The following SOAT2 variants were observed in gnomAD, a reference collection of about 807,000 sequenced individuals.
SOAT2 encodes ACAT-2.
Under a neutral mutation model 76.0 loss-of-function variants are expected in SOAT2, and 87 were observed. The ratio of observed to expected loss-of-function variants is 1.14; its 90% confidence interval spans 0.96 to 1.37. SOAT2 has a LOEUF of 1.37. Ranked by LOEUF, SOAT2 falls within the 40% of genes most tolerant of loss-of-function variation. SOAT2 has a pLI of 0.00. For synonymous variants in SOAT2, 285 were observed against 275.4 expected, an observed-to-expected ratio of 1.03 and a Z score of -0.34; for missense variants, 686 against 682.1, an observed-to-expected ratio of 1.01 and a Z score of -0.06.
At chr12:53,118,240 C>T (rs1374786766) in intron 7 of SOAT2, 110 bp from the exon 8 acceptor site, 2 of 478,636 alleles carry the variant, frequency 4.2e-6, no homozygotes, top group Non-Finnish European at 7.8e-6. Flanking sequence ...CCCCCACCCC[C>T]ACCCTATCCA....
At chr12:53,111,169 G>GCA (rs1938006047) in intron 5 of SOAT2, among the ~76,000 whole-genome samples, 1 of 150,560 alleles carries the variant, frequency 6.6e-6, no homozygotes, top group Non-Finnish European at 1.5e-5. Flanking sequence ...GCAGTGGCGT[G>GCA]ATCTCGGCTC....
In SOAT2 at chr12:53,116,308, C is replaced by A; in HGVS notation, c.778+142C>A. Reference sequence around the variant, plus strand: ...GGCACAGCCCTGGCATCCAGCTGGGCTCTGTGGGCCTTCATCATTAGGCAT... The same window carrying A: ...GGCACAGCCCTGGCATCCAGCTGGGATCTGTGGGCCTTCATCATTAGGCAT... On this transcript the variant is annotated intron_variant, in intron 7 of 14. Coordinates refer to ENST00000301466, the MANE Select transcript of SOAT2 (RefSeq NM_003578.4). 4.6e-6 allele frequency: 3 copies of A among 657,996 alleles called. No homozygotes were observed. The South Asian group carries it at 5.5e-5, about 12-fold the overall frequency. The allele number at this position is 657,996 out of a possible 1,614,324, so 40.8% of individuals were successfully genotyped here. A position where few individuals can be genotyped will look rare whatever the true frequency, so the allele number is the denominator to read the frequency against.
At position 53,105,776 on chromosome 12, in the gene SOAT2, T is replaced by C. The variant is rs1351164690; in HGVS notation, c.336-131T>C. 3.9e-6 allele frequency: 4 copies of C among 1,037,334 alleles called. No individual in the cohort carries two copies. In the East Asian group the frequency reaches 9.8e-5, roughly 25 times the overall value. 64.3% of individuals were successfully genotyped at this position (1,037,334 alleles called of 1,614,324 possible). A position where few individuals can be genotyped will look rare whatever the true frequency, so the allele number is the denominator to read the frequency against. On this transcript the variant is annotated intron_variant, in intron 4 of 14. Transcript: ENST00000301466. The stretch of plus-strand genomic sequence containing the variant: ...GGTCCCCTATTTGCCCTAGGCATGG[T>C]TGTGGAAGAAAGGCCTTTAGCTGGA...
chr12:53,108,788 G>T lies in SOAT2; in HGVS notation c.443+2774G>T, dbSNP rs139768584. Among the ~76,000 whole-genome samples, 199 of 152,340 alleles carry T rather than the reference G, an allele frequency of 1.3e-3. 1 individual carries two copies. Among genetic ancestry groups the T allele is most frequent in the African/African-American group, 3.9e-3 (163 of 41,566 alleles). On this transcript the variant is annotated intron_variant, in intron 5 of 14. Transcript: ENST00000301466. ...AGTTATCAGAAACCTGCATTCAAGA[G>T]CACCTGTTAGAGCTTTATAACTGAT...
intron 6 of SOAT2, 54 bp from the exon 7 acceptor site, chr12:53,116,043 G>T: frequency 3.4e-6 from 5 of 1,483,822 alleles, no homozygotes; most frequent in Non-Finnish European, 4.7e-6. Flanking sequence ...GAGAGGTTAA[G>T]CGATTTGCTT....
rs1938178901 is a variant in SOAT2, at chr12:53,120,792, T to G, written c.1046T>G (p.Phe349Cys). 6.2e-7 allele frequency: 1 copy of G among 1,613,874 alleles called. No homozygotes were observed. Among genetic ancestry groups the G allele is most frequent in the African/African-American group, 1.3e-5 (1 of 75,028 alleles). The change falls in exon 11 of 15, where the codon TTC becomes TGC. Residue 349 changes from phenylalanine (F) to cysteine (C), a missense_variant. Phe to Cys is a radical substitution (Grantham distance 205, BLOSUM62 -2). Coordinates refer to ENST00000301466, the MANE Select transcript of SOAT2 (RefSeq NM_003578.4). ...TCTTGTCCCCAACCACCAGGCATCT[T>G]CATGCTGCTGCTCATCTTCTTTGCC... ...SILHATLPGI[F>C]MLLLIFFAFL...
chr12:53,115,289 A>G, intron 5 of SOAT2, 101 bp from the exon 6 acceptor site: 1 of 1,379,558 alleles, frequency 7.2e-7, no homozygotes, highest in Non-Finnish European at 9.8e-7. Flanking sequence ...TCACAACCTG[A>G]TCAAGATACC....
intron 1 of SOAT2, 151 bp downstream of exon 1, chr12:53,103,810 G>A (rs943518348): frequency 5.7e-5 from 39 of 683,992 alleles, no homozygotes; most frequent in Non-Finnish European, 8.5e-5. Context: ...TCAGCCCAGA[G>A]CCACCCAGCT....
chr12:53,105,962 C>T lies in SOAT2; in HGVS notation c.391C>T (p.Leu131=), dbSNP rs1371053961. 1 of 1,614,134 alleles carries T rather than the reference C, an allele frequency of 6.2e-7. No individual in the cohort carries two copies. Among genetic ancestry groups the T allele is most frequent in the South Asian group, 1.1e-5 (1 of 91,086 alleles). The change falls in exon 5 of 15, where the codon CTG becomes TTG. Residue 131 remains leucine (L), a synonymous_variant. Transcript: ENST00000301466. ...CATCTACCACATGTTCATCGCTGGC[C>T]TGTGTGTCTTCATCATCAGCACCCT... The part of the protein sequence containing the change: ...RTIYHMFIAG[L]CVFIISTLAI...
chr12:53,115,660 G>A lies in SOAT2; in HGVS notation c.708+6G>A. 4 of 1,511,170 alleles carry A rather than the reference G, an allele frequency of 2.6e-6. No homozygotes were observed. The highest frequency in any genetic ancestry group is 1.3e-5 in the South Asian group (1 of 77,886). The allele number at this position is 1,511,170 out of a possible 1,614,324, so 93.6% of individuals were successfully genotyped here. ...GTGTCCTGGTCTTCGAGCAGGTGAG[G>A]GCCGAGCCCTGCTGACGGACAGGAA... On this transcript the variant is annotated splice_donor_region_variant and intron_variant, in intron 6 of 14. Coordinates refer to ENST00000301466, the MANE Select transcript of SOAT2 (RefSeq NM_003578.4).
chr12:53,120,575 G>T (rs1007495826), intron 10 of SOAT2, among the ~76,000 whole-genome samples: 5 of 150,802 alleles, frequency 3.3e-5, no homozygotes, highest in African/African-American at 1.2e-4. Context: ...GGAGTTTGAG[G>T]CTGCAGCGAG....
At chr12:53,106,137 C>T in intron 5 of SOAT2, 123 bp downstream of exon 5, 2 of 635,520 alleles carry the variant, frequency 3.1e-6, no homozygotes, top group East Asian at 2.8e-5. Flanking sequence ...GGACATGTAC[C>T]AACATTGCTC....
At chr12:53,121,220 C>A in intron 11 of SOAT2, 83 bp from the exon 12 acceptor site, 1 of 965,366 alleles carries the variant, frequency 1.0e-6, no homozygotes, top group Non-Finnish European at 1.7e-6. Flanking sequence ...GGATAGGGTG[C>A]AGGCAGAGGG....
intron 12 of SOAT2, 59 bp downstream of exon 12, chr12:53,121,460 C>T (rs1938188148): frequency 3.7e-6 from 5 of 1,352,128 alleles, no homozygotes; most frequent in Non-Finnish European, 5.3e-6. Flanking sequence ...CCTTCCTTCC[C>T]TCTCCTTCCC....
chr12:53,110,882 G>A (rs1161497782), intron 5 of SOAT2, among the ~76,000 whole-genome samples: 1 of 150,702 alleles, frequency 6.6e-6, no homozygotes, highest in Non-Finnish European at 1.5e-5. Context: ...CTTATTTCCT[G>A]TTTTTTTTAC....
chr12:53,118,290 C>T lies in SOAT2; in HGVS notation c.779-60C>T, dbSNP rs532133773. The T allele has an allele frequency of 3.8e-5, 38 of 1,008,948 alleles. No homozygotes were observed. In the African/African-American group the frequency reaches 5.2e-4, roughly 14 times the overall value. The allele number at this position is 1,008,948 out of a possible 1,614,324, so 62.5% of individuals were successfully genotyped here. A position where few individuals can be genotyped will look rare whatever the true frequency, so the allele number is the denominator to read the frequency against. On this transcript the variant is annotated intron_variant, in intron 7 of 14. Transcript: ENST00000301466. ...AATCCCACCACCCTTCCCCAGCAGC[C>T]CCCTCACCTCTGCCCTCTGCCCTTG...
At chr12:53,105,450 G>T in intron 3 of SOAT2, 111 bp from the exon 4 acceptor site, 1 of 1,270,370 alleles carries the variant, frequency 7.9e-7, no homozygotes, top group Admixed American at 2.0e-5. Flanking sequence ...TCTGGCCCTA[G>T]CCCTGACCTT....
intron 10 of SOAT2, among the ~76,000 whole-genome samples, 181 bp downstream of exon 10, chr12:53,119,434 C>T (rs1379594807): frequency 3.3e-5 from 5 of 152,188 alleles, no homozygotes; most frequent in Non-Finnish European, 7.3e-5. Context: ...TCCCCCTCCA[C>T]ATCAGCCTCC....
intron 13 of SOAT2, among the ~76,000 whole-genome samples, chr12:53,123,480 A>T (rs1308035969): frequency 6.6e-6 from 1 of 152,166 alleles, no homozygotes; most frequent in Non-Finnish European, 1.5e-5. Context: ...ATGGAGGAAG[A>T]CAAAGAGGAG....
Sources: gnomAD v4.1 joint callset for allele counts (sites outside exome capture counted in the v4.1 genomes callset) on GRCh38, gnomAD v4.1.1 for gene constraint, MANE v1.5 for transcripts, NCBI Gene and HGNC (gene_info 2026-07-23, HGNC 2026-07-21) for gene names.